The following DPP6 variants were observed in gnomAD, a reference collection of about 807,000 sequenced individuals.
DPP6 encodes the protein A-type potassium channel modulatory protein DPP6.
A neutral mutation model predicts 122.6 loss-of-function variants in DPP6; 69 were observed. The observed-to-expected ratio is 0.56, with a 90% CI of 0.46 to 0.69. The LOEUF (loss-of-function observed/expected upper bound fraction) is 0.69. Ranked by LOEUF, DPP6 falls within the 30% of genes least tolerant of loss-of-function variation. The pLI is 0.00. For synonymous variants in DPP6, 418 were observed against 433.1 expected, an observed-to-expected ratio of 0.97 and a Z score of 0.43; for missense variants, 928 against 1,116.9, an observed-to-expected ratio of 0.83 and a Z score of 2.41.
intron 5 of DPP6, among the ~76,000 whole-genome samples, chr7:154,578,367 A>G (rs1203402404): frequency 6.6e-6 from 1 of 152,106 alleles, no homozygotes; most frequent in African/African-American, 2.4e-5. Context: ...ATAGGTTTTC[A>G]TTTTCTAATG....
At chr7:154,881,717 T>G (rs1805402576) in intron 21 of DPP6, among the ~76,000 whole-genome samples, 1 of 152,176 alleles carries the variant, frequency 6.6e-6, no homozygotes, top group East Asian at 1.9e-4. Context: ...GAGCCCAGCA[T>G]GCACTGGAGA....
At chr7:154,203,516 C>T (rs1436025206) in intron 1 of DPP6, among the ~76,000 whole-genome samples, 1 of 152,186 alleles carries the variant, frequency 6.6e-6, no homozygotes, top group African/African-American at 2.4e-5. Context: ...CACATCCTAT[C>T]ACTGCCCCTC....
chr7:153,835,103 C>T, the DPP6 span, among the ~76,000 whole-genome samples: 1 of 152,166 alleles, frequency 6.6e-6, no homozygotes, highest in Non-Finnish European at 1.5e-5. Flanking sequence ...GTTAGTGAAT[C>T]CAGAGGGGAA....
rs1799993405 is a variant in DPP6 at position 154,045,829 on chromosome 7, A to T, written c.51+158095A>T. On this transcript the variant is annotated intron_variant, in intron 1 of 25. Coordinates refer to the DPP6 transcript ENST00000404039. ...AGGAGTACTGATGATCATCTGCATG[A>T]AAGCAAGTTCACTGTAGTTCATGAT... Among the ~76,000 whole-genome samples, 3 of 152,350 alleles carry T rather than the reference A, an allele frequency of 2.0e-5. 1 individual carries two copies. The South Asian group carries it at 6.2e-4, about 32-fold the overall frequency.
chr7:153,839,333 C>T, the DPP6 span, among the ~76,000 whole-genome samples: 1 of 152,192 alleles, frequency 6.6e-6, no homozygotes, highest in Non-Finnish European at 1.5e-5. Context: ...GGCATTTCAT[C>T]CTTAGTGGTC....
intron 7 of DPP6, among the ~76,000 whole-genome samples, chr7:154,711,832 T>A (rs1314346492): frequency 1.3e-5 from 2 of 152,164 alleles, no homozygotes; most frequent in Non-Finnish European, 2.9e-5. Flanking sequence ...CTTTAGCTAT[T>A]TGTGTCTCTT....
chr7:153,932,919 T>C (rs1316452562), intron 1 of DPP6, among the ~76,000 whole-genome samples: 2 of 152,156 alleles, frequency 1.3e-5, no homozygotes, highest in Non-Finnish European at 1.5e-5. Flanking sequence ...ATTTGAATCC[T>C]GGGGGCAGAT....
At chr7:154,207,988 C>T (rs530886024) in intron 1 of DPP6, among the ~76,000 whole-genome samples, 9 of 151,934 alleles carry the variant, frequency 5.9e-5, no homozygotes, top group South Asian at 4.2e-4. Flanking sequence ...TGTGTATTCC[C>T]GTTTTTTACA....
At chr7:154,073,036 C>T (rs748129655) in intron 1 of DPP6, among the ~76,000 whole-genome samples, 2 of 152,218 alleles carry the variant, frequency 1.3e-5, no homozygotes, top group East Asian at 1.9e-4. Flanking sequence ...TCCTGCTCCC[C>T]GTTTTGCTGC....
At chr7:154,870,146 CTT>C (rs61457825) in intron 18 of DPP6, among the ~76,000 whole-genome samples, 5,537 of 121,640 alleles carry the variant, frequency 0.046, 405 homozygotes, top group African/African-American at 0.16. Context: ...CCAACTAATT[CTT>C]TTTTTTTTTT....
intron 1 of DPP6, among the ~76,000 whole-genome samples, chr7:154,352,853 G>A (rs1810988036): frequency 6.6e-6 from 1 of 152,190 alleles, no homozygotes; most frequent in African/African-American, 2.4e-5. Flanking sequence ...TTTTTTAGAT[G>A]CAGATGTTTA....
At chr7:154,573,119 T>C (rs1325210897) in intron 5 of DPP6, among the ~76,000 whole-genome samples, 2 of 152,206 alleles carry the variant, frequency 1.3e-5, no homozygotes, top group Non-Finnish European at 2.9e-5. Flanking sequence ...ATTGTGTTTC[T>C]TGATTCTCGT....
At chr7:154,390,226 G>A (rs1379224355) in intron 1 of DPP6, among the ~76,000 whole-genome samples, 1 of 152,210 alleles carries the variant, frequency 6.6e-6, no homozygotes, top group Non-Finnish European at 1.5e-5. Context: ...AAGGAAGGTA[G>A]GGTGGAGGGT....
chr7:154,236,520 G>A (rs1256506517), intron 1 of DPP6, among the ~76,000 whole-genome samples: 1 of 152,144 alleles, frequency 6.6e-6, no homozygotes, highest in Non-Finnish European at 1.5e-5. Flanking sequence ...AGCCCCTGAT[G>A]AAAGATTCTC....
intron 17 of DPP6, among the ~76,000 whole-genome samples, chr7:154,859,226 G>T (rs559548966): frequency 1.3e-5 from 2 of 152,220 alleles, no homozygotes; most frequent in Non-Finnish European, 2.9e-5. Context: ...TGCACCTCAC[G>T]CCTCTGTTGA....
intron 3 of DPP6, among the ~76,000 whole-genome samples, chr7:154,534,795 T>C (rs1251302371): frequency 2.0e-5 from 3 of 152,168 alleles, no homozygotes; most frequent in Non-Finnish European, 4.4e-5. Flanking sequence ...TCTCCTTAGA[T>C]TGAATTATAG....
intron 3 of DPP6, among the ~76,000 whole-genome samples, chr7:154,533,858 C>A (rs1828033921): frequency 6.6e-6 from 1 of 151,946 alleles, no homozygotes; most frequent in Admixed American, 6.6e-5. Context: ...ATTAGCCAGG[C>A]ATGGTGGCAT....
chr7:153,887,587 C>T (rs1450524935), exon 1 of DPP6: 7 of 1,435,816 alleles, frequency 4.9e-6, no homozygotes, highest in Admixed American at 1.9e-5. Flanking sequence ...CGTTTCCATC[C>T]AGTCTTCAGC....
intron 1 of DPP6, among the ~76,000 whole-genome samples, chr7:153,958,923 C>A (rs1795205388): frequency 1.3e-5 from 2 of 151,960 alleles, no homozygotes; most frequent in African/African-American, 4.8e-5. Flanking sequence ...GCTCAGTATG[C>A]ACCTTCCCAC....
Sources: allele counts gnomAD v4.1 joint callset (sites outside exome capture counted in the v4.1 genomes callset), GRCh38; gene constraint gnomAD v4.1.1; transcripts MANE v1.5; gene names NCBI Gene and HGNC (gene_info 2026-07-23, HGNC 2026-07-21).